GMPS: variants seen among roughly 807,000 people sequenced by gnomAD.
GMPS encodes GMP synthase [glutamine-hydrolyzing].
In GMPS, 15 loss-of-function variants were observed where a neutral mutation model predicts 77.9. The ratio of observed to expected loss-of-function variants is 0.19; its 90% CI spans 0.13 to 0.30. The LOEUF (loss-of-function observed/expected upper bound fraction) is 0.30, where lower values mean the gene tolerates loss of function less well. Among genes scored for constraint, GMPS ranks in the 10% least tolerant of loss-of-function variants. The pLI is 1.00. For missense variants in GMPS, 590 were observed against 838.8 expected, an observed-to-expected ratio of 0.70 and a Z score of 3.66; for synonymous variants, 224 against 275.9, an observed-to-expected ratio of 0.81 and a Z score of 1.86.
chr3:155,894,309 C>T (rs1229937282), intron 2 of GMPS, among the ~76,000 whole-genome samples: 1 of 152,130 alleles, frequency 6.6e-6, no homozygotes, highest in East Asian at 1.9e-4. Flanking sequence ...CTGCAACCTC[C>T]ACCTCCCAGG....
chr3:155,890,892 A>G (rs375976242), intron 1 of GMPS, among the ~76,000 whole-genome samples: 11 of 152,200 alleles, frequency 7.2e-5, no homozygotes, highest in African/African-American at 2.4e-4. Flanking sequence ...CTGCATTTTC[A>G]TCTTTGTTGG....
At chr3:155,916,947 C>T (rs544867468) in intron 9 of GMPS, among the ~76,000 whole-genome samples, 5 of 151,780 alleles carry the variant, frequency 3.3e-5, no homozygotes, top group Non-Finnish European at 5.9e-5. Context: ...GTAAAAAACA[C>T]ATAACATAAA....
At chr3:155,933,107 G>GT (rs1323920266) in intron 13 of GMPS, among the ~76,000 whole-genome samples, 4 of 152,098 alleles carry the variant, frequency 2.6e-5, no homozygotes, top group African/African-American at 9.7e-5. Flanking sequence ...CAGAAGAATG[G>GT]TGTGAACCCG....
At chr3:155,900,668 C>G (rs1334740104) in intron 3 of GMPS, among the ~76,000 whole-genome samples, 1 of 152,038 alleles carries the variant, frequency 6.6e-6, no homozygotes, top group East Asian at 1.9e-4. Flanking sequence ...CTGTCATTCA[C>G]TAGGATGTTT....
At chr3:155,896,088 C>T (rs974774268) in intron 2 of GMPS, among the ~76,000 whole-genome samples, 2 of 151,858 alleles carry the variant, frequency 1.3e-5, no homozygotes, top group Admixed American at 1.3e-4. Context: ...CTGCTCACTG[C>T]AAGCTCCGCC....
rs141836869 is a variant in GMPS, at chr3:155,940,583, C to T, written c.*2891C>T. ...TATCCATCTTTAGTGCTTTTCCTGCCGTTAAACAACAATGTGAACTTGGTC... is the reference window on the plus strand; with the variant it reads ...TATCCATCTTTAGTGCTTTTCCTGCTGTTAAACAACAATGTGAACTTGGTC... On this transcript the variant is annotated 3_prime_UTR_variant, in exon 16 of 16. Transcript: ENST00000496455. The T allele has an allele frequency of 9.1e-4, 197 of 216,792 alleles. 1 individual carries two copies. In the East Asian group the frequency reaches 0.013, roughly 14 times the overall value. 13.4% of individuals were successfully genotyped at this position (216,792 alleles called of 1,614,324 possible).
chr3:155,932,999 C>T (rs1202301067), intron 13 of GMPS, among the ~76,000 whole-genome samples: 1 of 152,116 alleles, frequency 6.6e-6, no homozygotes, highest in Non-Finnish European at 1.5e-5. Context: ...TGAGACCAGC[C>T]TGGGCAACAT....
intron 9 of GMPS, 80 bp downstream of exon 9, chr3:155,916,272 C>A: frequency 1.1e-6 from 1 of 869,720 alleles, no homozygotes. Context: ...CTCTAATATT[C>A]ACAGAATTGC....
chr3:155,916,282 C>T, intron 9 of GMPS, 90 bp downstream of exon 9: 1 of 818,160 alleles, frequency 1.2e-6, no homozygotes, highest in South Asian at 1.6e-5. Flanking sequence ...CACAGAATTG[C>T]ATAACCATCA....
intron 1 of GMPS, among the ~76,000 whole-genome samples, chr3:155,892,147 A>G (rs1237780630): frequency 6.6e-6 from 1 of 152,174 alleles, no homozygotes; most frequent in African/African-American, 2.4e-5. Context: ...AAAATCACTT[A>G]TAGTTCCATT....
chr3:155,940,473 G>A lies in GMPS; in HGVS notation c.*2781G>A. ...TAAAATTTGTTTCCTCACTGTTTGGGCTTAACCTCCTGATAGCCTGTTTTA... is the reference window on the plus strand; with the variant it reads ...TAAAATTTGTTTCCTCACTGTTTGGACTTAACCTCCTGATAGCCTGTTTTA... On this transcript the variant is annotated 3_prime_UTR_variant, in exon 16 of 16. Coordinates refer to ENST00000496455, the MANE Select transcript of GMPS (RefSeq NM_003875.3). The A allele has an allele frequency of 4.7e-6, 1 of 212,816 alleles. No homozygotes were observed. 13.2% of individuals were successfully genotyped at this position (212,816 alleles called of 1,614,324 possible). A position where few individuals can be genotyped will look rare whatever the true frequency, so the allele number is the denominator to read the frequency against.
At chr3:155,891,904 A>C (rs916162634) in intron 1 of GMPS, among the ~76,000 whole-genome samples, 3 of 151,838 alleles carry the variant, frequency 2.0e-5, no homozygotes, top group African/African-American at 7.3e-5. Flanking sequence ...CCATGCCTGA[A>C]CGCTTGTTCG....
intron 15 of GMPS, 54 bp downstream of exon 15, chr3:155,936,564 A>G (rs2108153343): frequency 1.0e-6 from 1 of 983,036 alleles, no homozygotes; most frequent in Admixed American, 1.8e-5. Flanking sequence ...TACATTTTAT[A>G]ATATGGTGAA....
rs114304857 is a variant in GMPS at position 155,940,872 on chromosome 3, T to C, written c.*3180T>C. On this transcript the variant is annotated 3_prime_UTR_variant, in exon 16 of 16. Coordinates refer to ENST00000496455, the MANE Select transcript of GMPS (RefSeq NM_003875.3). ...TGGCAAGGTTTGACCACTTGGGGCA[T>C]CTTCTGCTGTGAGATGACACTTGAA... 1,201 of 215,802 alleles carry C rather than the reference T, an allele frequency of 5.6e-3. 16 individuals carry two copies. Among genetic ancestry groups the C allele is most frequent in the African/African-American group, 0.026 (1,136 of 44,448 alleles). The allele number at this position is 215,802 out of a possible 1,614,324, so 13.4% of individuals were successfully genotyped here. A position where few individuals can be genotyped will look rare whatever the true frequency, so the allele number is the denominator to read the frequency against.
At chr3:155,900,018 A>T (rs1051235101) in intron 3 of GMPS, among the ~76,000 whole-genome samples, 1 of 152,188 alleles carries the variant, frequency 6.6e-6, no homozygotes, top group East Asian at 1.9e-4. Flanking sequence ...TTATTCATCT[A>T]CTAACGTCTT....
At chr3:155,929,125 A>G (rs927432015) in intron 12 of GMPS, among the ~76,000 whole-genome samples, 3 of 151,660 alleles carry the variant, frequency 2.0e-5, no homozygotes, top group Admixed American at 1.3e-4. Flanking sequence ...GATTTCCACA[A>G]TGGTTGAACT....
At chr3:155,881,164 G>GTTTTTTTT (rs11334499) in intron 1 of GMPS, among the ~76,000 whole-genome samples, 1 of 52,938 alleles carries the variant, frequency 1.9e-5, no homozygotes, top group Non-Finnish European at 3.4e-5. Flanking sequence ...TTTGATATTA[G>GTTTTTTTT]TTTTTTTTTT....
At chr3:155,880,191 A>G (rs1419076549) in intron 1 of GMPS, among the ~76,000 whole-genome samples, 1 of 152,152 alleles carries the variant, frequency 6.6e-6, no homozygotes, top group Non-Finnish European at 1.5e-5. Context: ...ATGTTTTCTT[A>G]TAAAAGTTTT....
chr3:155,891,790 G>C (rs1040160905), intron 1 of GMPS, among the ~76,000 whole-genome samples: 33 of 151,830 alleles, frequency 2.2e-4, no homozygotes, highest in African/African-American at 7.5e-4. Flanking sequence ...GTTTTTAGTA[G>C]AGGCAGGGTT....
Sources: allele counts gnomAD v4.1 joint callset (sites outside exome capture counted in the v4.1 genomes callset), GRCh38; gene constraint gnomAD v4.1.1; transcripts MANE v1.5; gene names NCBI Gene and HGNC (gene_info 2026-07-23, HGNC 2026-07-21).